The following MCC variants were observed in gnomAD, a reference collection of about 807,000 sequenced individuals.
The protein encoded by MCC is colorectal mutant cancer protein.
Under a neutral mutation model 116.2 loss-of-function variants are expected in MCC, and 90 were observed. That is an observed-to-expected ratio of 0.77 (90% CI 0.65 to 0.92). MCC has a LOEUF of 0.92. MCC is among the 40% of genes least tolerant of loss of function. MCC has a pLI of 0.00. For synonymous variants in MCC, 578 were observed against 510.5 expected, an observed-to-expected ratio of 1.13 and a Z score of -1.78; for missense variants, 1,516 against 1,312.2, an observed-to-expected ratio of 1.16 and a Z score of -2.40.
chr5:113,330,238 T>C (rs549048490), intron 3 of MCC, among the ~76,000 whole-genome samples: 2 of 152,348 alleles, frequency 1.3e-5, no homozygotes, highest in African/African-American at 4.8e-5. Context: ...CAGAGCTCTC[T>C]GAACCGCTTC....
At chr5:113,390,481 G>A (rs1436974294) in intron 1 of MCC, among the ~76,000 whole-genome samples, 1 of 152,148 alleles carries the variant, frequency 6.6e-6, no homozygotes, top group African/African-American at 2.4e-5. Context: ...CAAGATTGAT[G>A]CTTCTCACTC....
intron 3 of MCC, among the ~76,000 whole-genome samples, chr5:113,283,326 C>T (rs1247703803): frequency 6.6e-6 from 1 of 152,132 alleles, no homozygotes; most frequent in African/African-American, 2.4e-5. Flanking sequence ...AACTCAACAT[C>T]AACAAAAGCC....
chr5:113,328,196 G>C (rs1458219605), intron 3 of MCC, among the ~76,000 whole-genome samples: 1 of 152,118 alleles, frequency 6.6e-6, no homozygotes, highest in East Asian at 1.9e-4. Flanking sequence ...GTTTGAAGAG[G>C]GACTGGCCAT....
chr5:113,351,102 A>G (rs1581419753), intron 2 of MCC, among the ~76,000 whole-genome samples: 1 of 152,138 alleles, frequency 6.6e-6, no homozygotes, highest in Non-Finnish European at 1.5e-5. Context: ...GTAAATTTGT[A>G]CAACCACTAT....
chr5:113,484,148 G>GTGGGCACTAGGCTTAGTACCCATAACTAA (rs1451100105), intron 1 of MCC, among the ~76,000 whole-genome samples: 3 of 152,032 alleles, frequency 2.0e-5, no homozygotes, highest in African/African-American at 7.2e-5. Flanking sequence ...CATAACTATA[G>GTGGGCACTAGGCTTAGTACCCATAACTAA]TGGGCACTAG....
At chr5:113,421,816 G>A (rs1055076127) in intron 1 of MCC, among the ~76,000 whole-genome samples, 18 of 152,076 alleles carry the variant, frequency 1.2e-4, no homozygotes, top group Admixed American at 6.5e-4. Context: ...TCAATTCCAC[G>A]CTCCATGAGG....
At chr5:113,071,255 G>A in intron 11 of MCC, 21 bp from the exon 12 acceptor site, 1 of 1,611,574 alleles carries the variant, frequency 6.2e-7, no homozygotes, top group Non-Finnish European at 8.5e-7. Flanking sequence ...ACAAAAATCA[G>A]ATTCACACTA....
intron 1 of MCC, among the ~76,000 whole-genome samples, chr5:113,484,083 A>G (rs1333099896): frequency 6.6e-6 from 1 of 152,140 alleles, no homozygotes; most frequent in African/African-American, 2.4e-5. Context: ...CAGGAAAAAT[A>G]ACTAATGGGT....
intron 5 of MCC, among the ~76,000 whole-genome samples, chr5:113,130,717 C>T (rs1397465302): frequency 6.6e-6 from 1 of 152,058 alleles, no homozygotes; most frequent in Non-Finnish European, 1.5e-5. Flanking sequence ...GCACATCATC[C>T]CTCTCAGGCC....
At chr5:113,206,532 T>A (rs1762916906) in intron 3 of MCC, among the ~76,000 whole-genome samples, 1 of 152,002 alleles carries the variant, frequency 6.6e-6, no homozygotes, top group Non-Finnish European at 1.5e-5. Flanking sequence ...CTGGGCAACA[T>A]AACAAAACCC....
rs566106833 is a variant in MCC at position 113,202,952 on chromosome 5, C to T, written c.628-51530G>A. On this transcript the variant is annotated intron_variant, in intron 3 of 18. Coordinates refer to ENST00000408903, the MANE Select transcript of MCC (RefSeq NM_001085377.2). ...ATGTGACTTTAAATTGCACCCAATC[C>T]GGCAAAATAATATTTCACTGCTGGC... Among the ~76,000 whole-genome samples the T allele has an allele frequency of 7.2e-5, 11 of 152,258 alleles. No homozygotes were observed. The South Asian group carries it at 1.7e-3, about 23-fold the overall frequency.
At position 113,068,171 on chromosome 5, in the gene MCC, G is replaced by A. The variant is rs780000498; in HGVS notation, c.1938C>T (p.Ile646=). 6.8e-6 allele frequency: 11 copies of A among 1,613,920 alleles called. No homozygotes were observed. In the Middle Eastern group the frequency reaches 1.7e-3, roughly 242 times the overall value. ...GCGCCAGGAGGAGTTCGTAGGCTTC[G>A]ATGCACTGCTCGCTGAAACAAAGCA... ...RLALQYSEQC[I]EAYELLLALA... The change falls in exon 13 of 19, where the codon ATC becomes ATT. Residue 646 remains isoleucine (I), a synonymous_variant. Coordinates refer to ENST00000408903, the MANE Select transcript of MCC (RefSeq NM_001085377.2).
chr5:113,417,127 G>A (rs1305917666), intron 1 of MCC, among the ~76,000 whole-genome samples: 2 of 151,966 alleles, frequency 1.3e-5, no homozygotes, highest in African/African-American at 4.8e-5. Flanking sequence ...ATGCCACCAC[G>A]CCTGGCTAAT....
chr5:113,275,191 C>T (rs185146545), intron 3 of MCC, among the ~76,000 whole-genome samples: 1 of 152,120 alleles, frequency 6.6e-6, no homozygotes, highest in Admixed American at 6.5e-5. Flanking sequence ...TACAAGCAGC[C>T]CCTCCTCCAT....
At chr5:113,079,629 C>T (rs1561788503) in intron 11 of MCC, among the ~76,000 whole-genome samples, 1 of 152,192 alleles carries the variant, frequency 6.6e-6, no homozygotes, top group African/African-American at 2.4e-5. Flanking sequence ...AACTGGATCC[C>T]TTCCTTACAC....
At chr5:113,219,208 G>C (rs1483608719) in intron 3 of MCC, among the ~76,000 whole-genome samples, 1 of 152,184 alleles carries the variant, frequency 6.6e-6, no homozygotes, top group Non-Finnish European at 1.5e-5. Flanking sequence ...GGGTGCTGAA[G>C]ATTTCATTTG....
intron 1 of MCC, among the ~76,000 whole-genome samples, chr5:113,408,946 T>C (rs1769907233): frequency 6.6e-6 from 1 of 152,178 alleles, no homozygotes; most frequent in Non-Finnish European, 1.5e-5. Flanking sequence ...TGAATGAAGT[T>C]TTCACAGCTT....
At chr5:113,206,997 T>C (rs1162630647) in intron 3 of MCC, among the ~76,000 whole-genome samples, 1 of 152,204 alleles carries the variant, frequency 6.6e-6, no homozygotes, top group African/African-American at 2.4e-5. Flanking sequence ...AACACTATCT[T>C]GGTCCTCCTT....
At chr5:113,290,974 T>C (rs558087502) in intron 3 of MCC, among the ~76,000 whole-genome samples, 35 of 152,252 alleles carry the variant, frequency 2.3e-4, no homozygotes, top group Non-Finnish European at 4.6e-4. Flanking sequence ...TTTCTGTTGT[T>C]ACTGCTATGA....
Sources: gnomAD v4.1 joint callset for allele counts (sites outside exome capture counted in the v4.1 genomes callset) on GRCh38, gnomAD v4.1.1 for gene constraint, MANE v1.5 for transcripts, NCBI Gene and HGNC (gene_info 2026-07-23, HGNC 2026-07-21) for gene names.